The following UFL1 variants were observed in gnomAD, a reference collection of about 807,000 sequenced individuals.
The protein encoded by UFL1 is E3 UFM1-protein ligase 1.
A neutral mutation model predicts 99.3 loss-of-function variants in UFL1; 78 were observed. The observed-to-expected ratio is 0.79, with a 90% CI of 0.65 to 0.95. The LOEUF (loss-of-function observed/expected upper bound fraction) is 0.95. UFL1 is among the 40% of genes least tolerant of loss of function. The pLI is 0.00. For synonymous variants in UFL1, 335 were observed against 322.2 expected (o/e 1.04, Z -0.42); for missense variants, 936 against 937.0 (o/e 1.00, Z 0.01).
At position 96,526,409 on chromosome 6, in the gene UFL1, GA is replaced by G. The variant is rs1484772409; in HGVS notation, c.440del (p.Asp147ValfsTer7). The G allele has an allele frequency of 6.2e-7, 1 of 1,611,780 alleles. No homozygotes were observed. Among genetic ancestry groups the G allele is most frequent in the Non-Finnish European group, 8.5e-7 (1 of 1,179,350 alleles). On this transcript the variant is annotated frameshift_variant, in exon 5 of 19. Transcript: ENST00000369278. LOFTEE classifies it high-confidence loss of function. The stretch of plus-strand genomic sequence containing the variant: ...CATATCAGAACTGTGTAAAACTTAT[GA>G]TCTTCCTGGGAACTTTCTGACACAG... ...VTISELCKTY[D>X]LPGNFLTQAL...
intron 12 of UFL1, among the ~76,000 whole-genome samples, chr6:96,543,384 A>T (rs750304809): frequency 6.6e-6 from 1 of 151,278 alleles, no homozygotes; most frequent in Non-Finnish European, 1.5e-5. Context: ...ATGCACAAAC[A>T]ACAAAGCATG....
At chr6:96,527,327 G>A (rs1769718707) in intron 5 of UFL1, among the ~76,000 whole-genome samples, 1 of 151,814 alleles carries the variant, frequency 6.6e-6, no homozygotes, top group African/African-American at 2.4e-5. Flanking sequence ...CTTTTTTATA[G>A]GCTTCATTGA....
At chr6:96,541,162 T>A (rs1562254718) in intron 11 of UFL1, among the ~76,000 whole-genome samples, 1 of 151,442 alleles carries the variant, frequency 6.6e-6, no homozygotes, top group Non-Finnish European at 1.5e-5. Context: ...CACCTCATTT[T>A]GTCAGTTTAT....
At chr6:96,532,638 C>T (rs538189705) in intron 6 of UFL1, among the ~76,000 whole-genome samples, 2 of 152,280 alleles carry the variant, frequency 1.3e-5, no homozygotes, top group South Asian at 4.1e-4. Flanking sequence ...CCCTTTGCTT[C>T]CTCTTTCACT....
Position 96,548,191 on chromosome 6 carries a change from T to C in UFL1, c.1430T>C (p.Met477Thr). The change falls in exon 13 of 19, where the codon ATG becomes ACG. Residue 477 changes from methionine to threonine, a missense_variant. Physicochemically the swap from Met to Thr is moderately conservative, Grantham distance 81. Coordinates refer to ENST00000369278, the MANE Select transcript of UFL1 (RefSeq NM_015323.5). ...TGKKKPEISF[M>T]FQDEIEDFLR... ...AAGAAGAAGCCAGAGATCAGTTTTA[T>C]GTTCCAGGATGAGATTGAAGATTTT... 1 of 1,602,690 alleles carries C rather than the reference T, an allele frequency of 6.2e-7. No homozygotes were observed. The highest frequency in any genetic ancestry group is 8.5e-7 in the Non-Finnish European group (1 of 1,174,062).
chr6:96,549,915 G>GA lies in UFL1; in HGVS notation c.1818+123dup. ...TAAAATACAGTGAAAGAGGTTTGAG[G>GA]AAAAAAATCTAAAAGTTTTTTATTC... On this transcript the variant is annotated intron_variant, in intron 15 of 18. Transcript: ENST00000369278. 5 of 1,425,170 alleles carry GA rather than the reference G, an allele frequency of 3.5e-6. No homozygotes were observed. In the South Asian group the frequency reaches 4.4e-5, roughly 13 times the overall value. The allele number at this position is 1,425,170 out of a possible 1,614,324, so 88.3% of individuals were successfully genotyped here.
chr6:96,553,489 G>C lies in UFL1; in HGVS notation c.2371G>C (p.Val791Leu). Residue 791 changes from valine (V) to leucine (L), a missense_variant, in exon 19 of 19, where the codon GTG becomes CTG. Transcript: ENST00000369278. ...DLVLKSRKSS[V>L]TEE ...TGTTCTCAAATCTAGGAAATCATCT[G>C]TGACGGAAGAGTAATGATCTTAATT... is the stretch of plus-strand genomic sequence containing the variant. 1 of 1,613,136 alleles carries C rather than the reference G, an allele frequency of 6.2e-7. No individual in the cohort carries two copies. Among genetic ancestry groups the C allele is most frequent in the Non-Finnish European group, 8.5e-7 (1 of 1,179,524 alleles).
At chr6:96,523,320 TC>T in intron 2 of UFL1, 29 bp downstream of exon 2, 1 of 1,549,868 alleles carries the variant, frequency 6.5e-7, no homozygotes, top group East Asian at 2.3e-5. Context: ...TTTTTTTTTT[TC>T]TTGGATTTTT....
chr6:96,553,651 A>T lies in UFL1; in HGVS notation c.*148A>T, dbSNP rs1212364197. 7.7e-6 allele frequency: 4 copies of T among 522,164 alleles called. No individual in the cohort carries two copies. The East Asian group carries it at 1.2e-4, about 16-fold the overall frequency. 32.3% of individuals were successfully genotyped at this position (522,164 alleles called of 1,614,324 possible). A position where few individuals can be genotyped will look rare whatever the true frequency, so the allele number is the denominator to read the frequency against. On this transcript the variant is annotated 3_prime_UTR_variant, in exon 19 of 19. Transcript: ENST00000369278. ...AATTCAGTTAAAACAGTAGTATTGT[A>T]TTAAATGTAAATCTTAAAAAGATGT... is the stretch of plus-strand genomic sequence containing the variant.
Position 96,528,501 on chromosome 6 carries a change from G to A in UFL1, c.466-1G>A. The A allele has an allele frequency of 6.2e-7, 1 of 1,612,226 alleles. No individual in the cohort carries two copies. Among genetic ancestry groups the A allele is most frequent in the South Asian group, 1.1e-5 (1 of 90,794 alleles). On this transcript the variant is annotated splice_acceptor_variant, in intron 5 of 18. Coordinates refer to ENST00000369278, the MANE Select transcript of UFL1 (RefSeq NM_015323.5). LOFTEE classifies it high-confidence loss of function. ...ATAAAAATGTACATCTTTACCCACA[G>A]GCACTAACTCAGCGACTTGGTAGAA...
chr6:96,550,984 A>G (rs541256128), intron 15 of UFL1, among the ~76,000 whole-genome samples: 1 of 152,102 alleles, frequency 6.6e-6, no homozygotes, highest in South Asian at 2.1e-4. Flanking sequence ...TTACATGTAG[A>G]GAGAGGTGCT....
intron 3 of UFL1, 121 bp from the exon 4 acceptor site, chr6:96,525,176 C>A: frequency 4.3e-6 from 3 of 704,352 alleles, no homozygotes; most frequent in Non-Finnish European, 6.9e-6. Context: ...GTGCTGGAAT[C>A]CAGGCATGAG....
In UFL1 at chr6:96,525,405, T is replaced by C; in HGVS notation, c.350+11T>C. On this transcript the variant is annotated intron_variant, in intron 4 of 18. Transcript: ENST00000369278. ...ACAACTGATAGATGAGTAAGTACAA[T>C]AAAGTACAAATTTAAGAGCACTTTG... 1 of 1,571,828 alleles carries C rather than the reference T, an allele frequency of 6.4e-7. No individual in the cohort carries two copies. The highest frequency in any genetic ancestry group is 8.7e-7 in the Non-Finnish European group (1 of 1,154,792).
At chr6:96,540,182 T>C in intron 10 of UFL1, among the ~76,000 whole-genome samples, 1 of 151,328 alleles carries the variant, frequency 6.6e-6, no homozygotes, top group East Asian at 1.9e-4. Flanking sequence ...GGCATTGGAA[T>C]TGGGAGTCTC....
chr6:96,533,221 A>G lies in UFL1; in HGVS notation c.597-1042A>G, dbSNP rs567309856. Reference sequence around the variant, plus strand: ...CTTGTATCCTTTAAAAAAAAAAACTATAGTTATTACAAATGAGATACAGTC... The same window carrying G: ...CTTGTATCCTTTAAAAAAAAAAACTGTAGTTATTACAAATGAGATACAGTC... On this transcript the variant is annotated intron_variant, in intron 6 of 18. Coordinates refer to ENST00000369278, the MANE Select transcript of UFL1 (RefSeq NM_015323.5). 6.6e-5 allele frequency among the ~76,000 whole-genome samples: 10 copies of G among 152,154 alleles called. No individual in the cohort carries two copies. In the East Asian group the frequency reaches 1.4e-3, roughly 21 times the overall value.
intron 16 of UFL1, 70 bp from the exon 17 acceptor site, chr6:96,551,768 T>G: frequency 9.6e-7 from 1 of 1,046,248 alleles, no homozygotes; most frequent in Non-Finnish European, 1.4e-6. Context: ...TACAAAACAA[T>G]TGTTAAATGG....
chr6:96,524,878 G>A (rs1292119443), intron 3 of UFL1, among the ~76,000 whole-genome samples: 2 of 152,128 alleles, frequency 1.3e-5, no homozygotes, highest in South Asian at 2.1e-4. Flanking sequence ...AGAAGCCAGC[G>A]AATTTTCTGT....
Position 96,548,259 on chromosome 6 carries a change from G to A in UFL1, c.1498G>A (p.Glu500Lys), listed in dbSNP as rs1418091313. ...AGATGCCCCTGAGGAGTTTATTTCG[G>A]AACTTGCTGAGTACTTAATAAAGCA... Reference protein sequence around the residue: ...IQDAPEEFISELAEYLIKPLN... With the variant: ...IQDAPEEFISKLAEYLIKPLN... The change falls in exon 13 of 19, where the codon GAA becomes AAA. Residue 500 changes from glutamate (E) to lysine (K), a missense_variant. Coordinates refer to ENST00000369278, the MANE Select transcript of UFL1 (RefSeq NM_015323.5). 1 of 1,598,312 alleles carries A rather than the reference G, an allele frequency of 6.3e-7. No individual in the cohort carries two copies. The highest frequency in any genetic ancestry group is 1.4e-5 in the African/African-American group (1 of 74,058).
At chr6:96,551,212 C>T (rs1770074736) in intron 15 of UFL1, among the ~76,000 whole-genome samples, 2 of 139,854 alleles carry the variant, frequency 1.4e-5, no homozygotes, top group Middle Eastern at 3.7e-3. Flanking sequence ...TAGTCTTTCT[C>T]TTACATTGAT....
Sources: gnomAD v4.1 joint callset for allele counts (sites outside exome capture counted in the v4.1 genomes callset) on GRCh38, gnomAD v4.1.1 for gene constraint, MANE v1.5 for transcripts, NCBI Gene and HGNC (gene_info 2026-07-23, HGNC 2026-07-21) for gene names.